Variants in ADGRV1 observed in about 807,000 individuals in gnomAD.
The protein encoded by ADGRV1 is adhesion G protein-coupled receptor V1.
A neutral mutation model predicts 596.2 loss-of-function variants in ADGRV1; 359 were observed. The ratio of observed to expected loss-of-function variants is 0.60; its 90% confidence interval spans 0.55 to 0.66. The LOEUF is 0.66. Among genes scored for constraint, ADGRV1 ranks in the 30% least tolerant of loss-of-function variants. The probability of loss-of-function intolerance (pLI) is 0.00; values close to 1 mark genes in which losing one functional copy is unlikely to be tolerated. For synonymous variants in ADGRV1, 2,681 were observed against 2,679.2 expected, an observed-to-expected ratio of 1.00 and a Z score of -0.02; for missense variants, 7,274 against 7,575.6, an observed-to-expected ratio of 0.96 and a Z score of 1.48.
intron 37 of ADGRV1, 85 bp downstream of exon 37, chr5:90,705,664 T>C: frequency 9.5e-7 from 1 of 1,048,828 alleles, no homozygotes; most frequent in Non-Finnish European, 1.4e-6. Flanking sequence ...ATTGCTAAAA[T>C]AAATCGGGGA....
intron 59 of ADGRV1, among the ~76,000 whole-genome samples, chr5:90,766,989 C>T (rs1486030161): frequency 6.6e-6 from 1 of 152,138 alleles, no homozygotes; most frequent in Non-Finnish European, 1.5e-5. Flanking sequence ...TAATTCCAAC[C>T]TAACCACAGG....
At position 90,836,191 on chromosome 5, in the gene ADGRV1, A is replaced by G. The variant is rs953315143; in HGVS notation, c.16612-4387A>G. ...AGTTTAGAAGTTTCTTCAAGAATTAAACATGAACTACCTTATGACTCAGGA... is the reference window on the plus strand; with the variant it reads ...AGTTTAGAAGTTTCTTCAAGAATTAGACATGAACTACCTTATGACTCAGGA... On this transcript the variant is annotated intron_variant, in intron 77 of 89. Transcript: ENST00000405460. 2.0e-5 allele frequency among the ~76,000 whole-genome samples: 3 copies of G among 152,234 alleles called. No homozygotes were observed. The East Asian group carries it at 5.8e-4, about 29-fold the overall frequency.
At chr5:90,611,806 AAAAG>A (rs1213676556) in intron 1 of ADGRV1, among the ~76,000 whole-genome samples, 1 of 152,006 alleles carries the variant, frequency 6.6e-6, no homozygotes, top group Non-Finnish European at 1.5e-5. Context: ...TTAATTTAAA[AAAAG>A]GGAATTCCAA....
intron 87 of ADGRV1, among the ~76,000 whole-genome samples, chr5:91,104,702 T>G (rs1339267817): frequency 1.3e-5 from 2 of 152,144 alleles, no homozygotes; most frequent in Non-Finnish European, 2.9e-5. Context: ...TTTCTGTTCT[T>G]GGGTTATTTC....
chr5:91,129,497 T>C (rs1328625991), intron 87 of ADGRV1, among the ~76,000 whole-genome samples: 1 of 152,208 alleles, frequency 6.6e-6, no homozygotes, highest in Non-Finnish European at 1.5e-5. Context: ...AGTTTGATCC[T>C]CAGTTTTACA....
intron 87 of ADGRV1, among the ~76,000 whole-genome samples, chr5:91,130,891 A>G (rs896776436): frequency 3.3e-5 from 5 of 152,182 alleles, no homozygotes; most frequent in African/African-American, 1.2e-4. Flanking sequence ...CTGTTTCTCT[A>G]TTAATTTGGT....
chr5:90,905,959 AG>A (rs918804040), intron 83 of ADGRV1, among the ~76,000 whole-genome samples: 4 of 152,140 alleles, frequency 2.6e-5, no homozygotes, highest in Non-Finnish European at 5.9e-5. Context: ...ATTTTTATCA[AG>A]TGATTTTTCA....
rs1353730207 is a variant in ADGRV1, at chr5:90,629,300, G to A, written c.1600G>A (p.Glu534Lys). ...CCAGAAGATTGAAAGCAGCCCAGGTGAACGATACTTATCCTTGAGTTTTAC... is the reference window on the plus strand; with the variant it reads ...CCAGAAGATTGAAAGCAGCCCAGGTAAACGATACTTATCCTTGAGTTTTAC... ...ENQKIESSPG[E>K]RYLSLSFTRL... The change falls in exon 9 of 90, where the codon GAA becomes AAA. Residue 534 changes from glutamate (E) to lysine (K), a missense_variant. Around this residue, in one of 5 missense-constraint regions of ADGRV1, gnomAD observed 1,715 missense variants for 1,708.8 expected, o/e 1.00. Coordinates refer to ENST00000405460, the MANE Select transcript of ADGRV1 (RefSeq NM_032119.4). The A allele has an allele frequency of 6.2e-7, 1 of 1,613,442 alleles. No individual in the cohort carries two copies. Among genetic ancestry groups the A allele is most frequent in the Admixed American group, 1.7e-5 (1 of 59,952 alleles).
At chr5:91,024,409 T>C (rs1302353230) in intron 85 of ADGRV1, among the ~76,000 whole-genome samples, 1 of 152,186 alleles carries the variant, frequency 6.6e-6, no homozygotes, top group Non-Finnish European at 1.5e-5. Flanking sequence ...CTGTCTTTAC[T>C]CTGCCAACAT....
In ADGRV1 at chr5:90,791,621, A is replaced by G. The variant is rs76310066; in HGVS notation, c.14517+275A>G. ...CTAGGAAATGTTTCCAGTGGTGTGC[A>G]TATACACCTGCACACCCATGGACAT... On this transcript the variant is annotated intron_variant, in intron 70 of 89. Transcript: ENST00000405460. 23,084 of 399,026 alleles carry G rather than the reference A, an allele frequency of 0.058. 1,810 individuals are homozygous for G. The highest frequency in any genetic ancestry group is 0.29 in the East Asian group (6,274 of 21,530). 24.7% of individuals were successfully genotyped at this position (399,026 alleles called of 1,614,324 possible).
chr5:90,824,893 C>T (rs73179326), intron 76 of ADGRV1, among the ~76,000 whole-genome samples: 2,243 of 152,218 alleles, frequency 0.015, 17 homozygotes, highest in Middle Eastern at 0.054. Flanking sequence ...TGCATTTCTT[C>T]CAAATATTTT....
chr5:90,916,794 G>T (rs950747327), intron 83 of ADGRV1, among the ~76,000 whole-genome samples: 18 of 119,232 alleles, frequency 1.5e-4, no homozygotes, highest in Admixed American at 9.0e-4. Flanking sequence ...CACTACGCCC[G>T]GCTAATTTTT....
intron 84 of ADGRV1, among the ~76,000 whole-genome samples, chr5:90,971,350 T>A (rs1234498074): frequency 2.0e-5 from 3 of 152,038 alleles, no homozygotes; most frequent in African/African-American, 7.2e-5. Context: ...ATACAGAGAA[T>A]GCCACAAAGA....
At chr5:90,744,601 T>C (rs1252647873) in intron 50 of ADGRV1, among the ~76,000 whole-genome samples, 1 of 152,156 alleles carries the variant, frequency 6.6e-6, no homozygotes, top group African/African-American at 2.4e-5. Flanking sequence ...TGGTGTAATA[T>C]TGTTAATTAA....
intron 77 of ADGRV1, among the ~76,000 whole-genome samples, chr5:90,839,306 C>A (rs977972227): frequency 1.3e-5 from 2 of 152,140 alleles, no homozygotes; most frequent in Non-Finnish European, 2.9e-5. Context: ...CGTCTGCCTC[C>A]CGGATTCAAG....
chr5:90,719,358 T>C (rs4364416), intron 43 of ADGRV1, among the ~76,000 whole-genome samples: 18,631 of 145,662 alleles, frequency 0.13, 3,343 homozygotes, highest in African/African-American at 0.4. Context: ...AATAAATAAA[T>C]AAATAAATGT....
intron 4 of ADGRV1, among the ~76,000 whole-genome samples, 156 bp downstream of exon 4, chr5:90,619,337 T>C (rs924110622): frequency 6.6e-6 from 1 of 152,220 alleles, no homozygotes; most frequent in Non-Finnish European, 1.5e-5. Flanking sequence ...CTGTAGACCA[T>C]TCATTTGTTC....
At chr5:91,052,776 C>G (rs1321136694) in intron 85 of ADGRV1, among the ~76,000 whole-genome samples, 1 of 152,066 alleles carries the variant, frequency 6.6e-6, no homozygotes. Flanking sequence ...TTAAAGATGT[C>G]TATGTCACAG....
At chr5:90,831,358 C>A (rs1481009578) in intron 77 of ADGRV1, among the ~76,000 whole-genome samples, 1 of 151,820 alleles carries the variant, frequency 6.6e-6, no homozygotes, top group African/African-American at 2.4e-5. Flanking sequence ...AAACATCCTA[C>A]CCTGCGATTA....
Sources: allele counts gnomAD v4.1 joint callset (sites outside exome capture counted in the v4.1 genomes callset), GRCh38; gene constraint gnomAD v4.1.1; regional missense constraint gnomAD v4.1.1; transcripts MANE v1.5; gene names NCBI Gene and HGNC (gene_info 2026-07-23, HGNC 2026-07-21).